The following NIPBL variants were observed in gnomAD, a reference collection of about 807,000 sequenced individuals.
The protein encoded by NIPBL is nipped-B-like protein.
NIPBL carries 19 observed loss-of-function variants against 321.8 expected under a neutral mutation model. The ratio of observed to expected loss-of-function variants is 0.06; its 90% CI spans 0.04 to 0.09. NIPBL has a LOEUF of 0.09. NIPBL is among the 10% of genes least tolerant of loss of function. The pLI is 1.00. For missense variants in NIPBL, 2,210 were observed against 3,327.0 expected (o/e 0.66, Z 8.26); for synonymous variants, 1,106 against 1,114.1 (o/e 0.99, Z 0.14).
chr5:37,053,404 T>C (rs957648672), intron 42 of NIPBL, among the ~76,000 whole-genome samples: 1 of 152,238 alleles, frequency 6.6e-6, no homozygotes, highest in Admixed American at 6.5e-5. Context: ...ATGTGGCACA[T>C]GACTGTACTG....
At position 36,953,710 on chromosome 5, in the gene NIPBL, T is replaced by G. The variant is rs764272515; in HGVS notation, c.14T>G (p.Met5Arg). The change falls in exon 2 of 47, where the codon ATG becomes AGG. Residue 5 changes from methionine (M) to arginine (R), a missense_variant. Transcript: ENST00000282516. The part of the protein sequence containing the change: MNGD[M>R]PHVPITTLAG... ...CAGAAATTCAGGATGAATGGGGATA[T>G]GCCCCATGTCCCCATTACTACTCTT... 6.2e-7 allele frequency: 1 copy of G among 1,613,876 alleles called. No homozygotes were observed. The highest frequency in any genetic ancestry group is 2.2e-5 in the East Asian group (1 of 44,862).
chr5:36,944,538 G>T (rs1208864112), intron 1 of NIPBL, among the ~76,000 whole-genome samples: 2 of 151,942 alleles, frequency 1.3e-5, no homozygotes, highest in African/African-American at 4.8e-5. Context: ...AACCAAAATG[G>T]CAAAGACTAT....
chr5:36,886,425 G>C lies in NIPBL; in HGVS notation c.-80+9247G>C, dbSNP rs968471227. On this transcript the variant is annotated intron_variant, in intron 1 of 46. Transcript: ENST00000282516. ...GCAACTCCATGCAAACTATCCAAAA[G>C]ACCACCACCCGCTGGATAGTGGATG... The C allele has an allele frequency of 1.6e-5, 12 of 739,550 alleles. No individual in the cohort carries two copies. In the African/African-American group the frequency reaches 1.9e-4, roughly 12 times the overall value. 45.8% of individuals were successfully genotyped at this position (739,550 alleles called of 1,614,324 possible). A position where few individuals can be genotyped will look rare whatever the true frequency, so the allele number is the denominator to read the frequency against.
At chr5:37,021,978 A>G (rs1231544509) in intron 27 of NIPBL, 73 bp from the exon 28 acceptor site, 3 of 1,105,842 alleles carry the variant, frequency 2.7e-6, no homozygotes, top group Non-Finnish European at 4.1e-6. Context: ...TTTCTTTTGC[A>G]TGTTTTCATG....
At chr5:37,002,171 GA>G (rs372785250) in intron 14 of NIPBL, among the ~76,000 whole-genome samples, 25 of 152,230 alleles carry the variant, frequency 1.6e-4, no homozygotes, top group East Asian at 1.5e-3. Context: ...CATTCTGCAG[GA>G]AAAAAAGTTG....
chr5:36,910,951 T>C (rs1174539034), intron 1 of NIPBL, among the ~76,000 whole-genome samples: 1 of 152,236 alleles, frequency 6.6e-6, no homozygotes, highest in African/African-American at 2.4e-5. Context: ...GCTCTTTTTC[T>C]AATATCTGTT....
chr5:36,957,063 A>G (rs1364495113), intron 3 of NIPBL, among the ~76,000 whole-genome samples: 1 of 152,182 alleles, frequency 6.6e-6, no homozygotes, highest in East Asian at 1.9e-4. Flanking sequence ...AAATGTAGTG[A>G]GTCTTATCAT....
At chr5:36,963,796 G>C (rs1463766535) in intron 6 of NIPBL, among the ~76,000 whole-genome samples, 1 of 152,038 alleles carries the variant, frequency 6.6e-6, no homozygotes, top group Non-Finnish European at 1.5e-5. Context: ...TCAAAGAAAA[G>C]AAATAGACAC....
At position 37,009,388 on chromosome 5, in the gene NIPBL, G is replaced by A. The variant is rs188131845; in HGVS notation, c.4421+665G>A. Among the ~76,000 whole-genome samples the A allele has an allele frequency of 3.4e-3, 511 of 152,222 alleles. 2 individuals carry two copies. The highest frequency in any genetic ancestry group is 0.012 in the African/African-American group (489 of 41,546). On this transcript the variant is annotated intron_variant, in intron 20 of 46. Coordinates refer to ENST00000282516, the MANE Select transcript of NIPBL (RefSeq NM_133433.4). ...GTCTTTGCCATCATAGATAATCACC[G>A]GAATTATCTTAATATTCCTGAGTGA...
chr5:36,993,084 A>G (rs1257414846), intron 10 of NIPBL, among the ~76,000 whole-genome samples: 1 of 152,130 alleles, frequency 6.6e-6, no homozygotes, highest in African/African-American at 2.4e-5. Context: ...GGCGGAGTCC[A>G]TTTATAAAGA....
intron 6 of NIPBL, among the ~76,000 whole-genome samples, chr5:36,962,806 G>T (rs747180888): frequency 3.9e-5 from 6 of 152,068 alleles, no homozygotes; most frequent in Non-Finnish European, 8.8e-5. Flanking sequence ...CATTGTATAG[G>T]CATTGTAAGT....
chr5:37,022,445 C>T, intron 29 of NIPBL, 55 bp downstream of exon 29: 2 of 1,499,348 alleles, frequency 1.3e-6, no homozygotes, highest in Non-Finnish European at 1.8e-6. Flanking sequence ...TTTCAAGCAT[C>T]ATGTTTTGTT....
chr5:36,971,254 A>G (rs925594636), intron 7 of NIPBL, among the ~76,000 whole-genome samples: 8 of 139,554 alleles, frequency 5.7e-5, no homozygotes, highest in Non-Finnish European at 3.1e-5. Flanking sequence ...TTTTACATTT[A>G]TAAAGAGTTA....
Position 37,008,703 on chromosome 5 carries a change from G to A in NIPBL, c.4401G>A (p.Lys1467=), listed in dbSNP as rs752992906. ...CACTTGCAAGATTACCAACCAGCAA[G>A]AGGAGTTTAAGGAACTTCAGGTAAT... ...FTSLARLPTS[K]RSLRNFRLNS... Residue 1467 remains lysine, a synonymous_variant, in exon 20 of 47, where the codon AAG becomes AAA. Transcript: ENST00000282516. 1.2e-6 allele frequency: 2 copies of A among 1,600,132 alleles called. No individual in the cohort carries two copies. The highest frequency in any genetic ancestry group is 1.7e-6 in the Non-Finnish European group (2 of 1,167,512).
chr5:36,960,726 G>A (rs541697889), intron 4 of NIPBL, among the ~76,000 whole-genome samples: 1 of 152,104 alleles, frequency 6.6e-6, no homozygotes, highest in Non-Finnish European at 1.5e-5. Flanking sequence ...AATTCAGGGT[G>A]TTATTTGTAG....
At chr5:36,886,477 A>G (rs1745915319) in intron 1 of NIPBL, 2 of 761,138 alleles carry the variant, frequency 2.6e-6, no homozygotes, top group Admixed American at 1.7e-5. Context: ...GACCAGTGAC[A>G]CCAAAGTTCT....
At chr5:36,942,622 C>A (rs982881532) in intron 1 of NIPBL, among the ~76,000 whole-genome samples, 1 of 150,748 alleles carries the variant, frequency 6.6e-6, no homozygotes, top group African/African-American at 2.4e-5. Context: ...ACACCTGTAG[C>A]CCCAGCTACT....
intron 10 of NIPBL, among the ~76,000 whole-genome samples, chr5:36,989,896 G>A (rs1167554618): frequency 6.7e-6 from 1 of 148,198 alleles, no homozygotes; most frequent in Non-Finnish European, 1.5e-5. Flanking sequence ...CATGCCTTCA[G>A]TGTTATTAAC....
Position 36,880,601 on chromosome 5 carries a change from CT to C in NIPBL, c.-80+3424del, listed in dbSNP as rs142410048. Among the ~76,000 whole-genome samples the C allele has an allele frequency of 6.8e-3, 1,038 of 152,098 alleles. 9 individuals carry two copies. The highest frequency in any genetic ancestry group is 0.011 in the Non-Finnish European group (744 of 67,864). On this transcript the variant is annotated intron_variant, in intron 1 of 46. Transcript: ENST00000282516. ...ATTGACTAGGAACCTTTATAGAAGGCTGACAACTAACTGTTCAGTTGAACAT... is the reference window on the plus strand; with the variant it reads ...ATTGACTAGGAACCTTTATAGAAGGCGACAACTAACTGTTCAGTTGAACAT...
Sources: allele counts gnomAD v4.1 joint callset (sites outside exome capture counted in the v4.1 genomes callset), GRCh38; gene constraint gnomAD v4.1.1; transcripts MANE v1.5; gene names NCBI Gene and HGNC (gene_info 2026-07-23, HGNC 2026-07-21).